Variants in ZZZ3 observed in about 807,000 individuals in gnomAD.
The protein encoded by ZZZ3 is zinc finger ZZ-type containing 3, also known as ZZ-type zinc finger-containing protein 3.
ZZZ3 carries 22 observed loss-of-function variants against 95.2 expected under a neutral mutation model. The ratio of observed to expected loss-of-function variants is 0.23; its 90% CI spans 0.17 to 0.33. The LOEUF (loss-of-function observed/expected upper bound fraction) is 0.33. Among genes scored for constraint, ZZZ3 ranks in the 10% least tolerant of loss-of-function variants. The pLI, the probability that ZZZ3 is intolerant of heterozygous loss-of-function variation, is 1.00. For missense variants in ZZZ3, 885 were observed against 1,066.5 expected (o/e 0.83, Z 2.37); for synonymous variants, 335 against 358.9 (o/e 0.93, Z 0.75).
intron 1 of ZZZ3, among the ~76,000 whole-genome samples, chr1:77,665,099 G>A (rs1305934579): frequency 1.3e-5 from 2 of 152,166 alleles, no homozygotes; most frequent in South Asian, 2.1e-4. Flanking sequence ...CAATCAAGTG[G>A]TGAAATAATC....
At chr1:77,656,880 A>G (rs1024776417) in intron 1 of ZZZ3, among the ~76,000 whole-genome samples, 11 of 152,244 alleles carry the variant, frequency 7.2e-5, no homozygotes, top group African/African-American at 2.7e-4. Flanking sequence ...AGAAATTCAG[A>G]GTGAAGTTCC....
intron 1 of ZZZ3, among the ~76,000 whole-genome samples, chr1:77,665,659 T>C (rs547296975): frequency 1.3e-5 from 2 of 152,352 alleles, no homozygotes; most frequent in South Asian, 4.1e-4. Flanking sequence ...AAATTTGTGA[T>C]TCACTGTCTC....
intron 1 of ZZZ3, among the ~76,000 whole-genome samples, chr1:77,646,543 C>T (rs550993926): frequency 6.6e-6 from 1 of 152,144 alleles, no homozygotes; most frequent in Admixed American, 6.6e-5. Context: ...TAAGTCTTAT[C>T]CTTTAAAAAT....
At chr1:77,591,457 C>A (rs1663687961) in intron 5 of ZZZ3, among the ~76,000 whole-genome samples, 1 of 152,084 alleles carries the variant, frequency 6.6e-6, no homozygotes, top group Non-Finnish European at 1.5e-5. Flanking sequence ...TCCTCCCACC[C>A]CAGCCTCCCA....
intron 5 of ZZZ3, among the ~76,000 whole-genome samples, chr1:77,602,429 ACT>A (rs1157760023): frequency 2.0e-5 from 3 of 152,202 alleles, no homozygotes; most frequent in East Asian, 1.9e-4. Context: ...AAAATTAAAG[ACT>A]CTATAATCTA....
chr1:77,677,524 A>G (rs1320374637), intron 1 of ZZZ3, among the ~76,000 whole-genome samples: 1 of 152,234 alleles, frequency 6.6e-6, no homozygotes, highest in Non-Finnish European at 1.5e-5. Flanking sequence ...ATAGGGTAAC[A>G]ACCACTCGAA....
chr1:77,611,232 C>CAAA (rs142588523), intron 5 of ZZZ3, among the ~76,000 whole-genome samples: 7 of 57,264 alleles, frequency 1.2e-4, no homozygotes, highest in South Asian at 6.7e-4. Flanking sequence ...AAATACCTAC[C>CAAA]AAAAAAAAAA....
At position 77,620,523 on chromosome 1, in the gene ZZZ3, A is replaced by T. The variant is rs1666756448; in HGVS notation, c.1505+11327T>A. Among the ~76,000 whole-genome samples the T allele has an allele frequency of 2.0e-5, 3 of 150,008 alleles. No individual in the cohort carries two copies. In the South Asian group the frequency reaches 6.4e-4, roughly 32 times the overall value. ...GAAGGAAGGAAGGAAGGAAGGAAGGAAGGAAGGAAGGAAACTGAGCTGAAT... is the reference window on the plus strand; with the variant it reads ...GAAGGAAGGAAGGAAGGAAGGAAGGTAGGAAGGAAGGAAACTGAGCTGAAT... On this transcript the variant is annotated intron_variant, in intron 5 of 14. Transcript: ENST00000370801.
At chr1:77,581,598 G>GA (rs1264759321) in intron 8 of ZZZ3, among the ~76,000 whole-genome samples, 178 bp downstream of exon 8, 8 of 152,232 alleles carry the variant, frequency 5.3e-5, no homozygotes, top group African/African-American at 1.9e-4. Flanking sequence ...AATGATGTCT[G>GA]AAGGTTCACG....
At chr1:77,664,728 A>G (rs971828554) in intron 1 of ZZZ3, among the ~76,000 whole-genome samples, 1 of 152,220 alleles carries the variant, frequency 6.6e-6, no homozygotes, top group Non-Finnish European at 1.5e-5. Context: ...CAAAACATTA[A>G]TGAAAATATT....
chr1:77,567,691 G>A (rs1003631175), intron 13 of ZZZ3, among the ~76,000 whole-genome samples: 33 of 152,080 alleles, frequency 2.2e-4, no homozygotes, highest in Non-Finnish European at 5.9e-5. Context: ...AGTCTGTCTT[G>A]TTTACTGCTG....
At chr1:77,566,762 T>C (rs959797211) in intron 13 of ZZZ3, among the ~76,000 whole-genome samples, 2 of 152,226 alleles carry the variant, frequency 1.3e-5, no homozygotes, top group Non-Finnish European at 2.9e-5. Context: ...TAATAACCAA[T>C]GCCCATCATG....
At chr1:77,612,294 A>G (rs1048282300) in intron 5 of ZZZ3, among the ~76,000 whole-genome samples, 2 of 151,982 alleles carry the variant, frequency 1.3e-5, no homozygotes, top group Non-Finnish European at 2.9e-5. Context: ...ATGATAATAA[A>G]TGCTGGTTGA....
At chr1:77,675,019 T>C (rs1261669604) in intron 1 of ZZZ3, among the ~76,000 whole-genome samples, 3 of 151,160 alleles carry the variant, frequency 2.0e-5, no homozygotes, top group Non-Finnish European at 4.4e-5. Flanking sequence ...TGAAGACAGT[T>C]CAGGTAAGAA....
chr1:77,623,365 T>G (rs1024491330), intron 5 of ZZZ3, among the ~76,000 whole-genome samples: 1 of 152,128 alleles, frequency 6.6e-6, no homozygotes, highest in Admixed American at 6.5e-5. Flanking sequence ...AATATAATGC[T>G]GCACACACAT....
chr1:77,583,056 G>A lies in ZZZ3; in HGVS notation c.1645-930C>T, dbSNP rs149562253. On this transcript the variant is annotated intron_variant, in intron 6 of 14. Coordinates refer to ENST00000370801, the MANE Select transcript of ZZZ3 (RefSeq NM_015534.6). Reference sequence around the variant, plus strand: ...GGAGGCGGAAGTTACAGTGAACTGAGATCAGACCCCACTGCACTCCAGCCT... The same window carrying A: ...GGAGGCGGAAGTTACAGTGAACTGAAATCAGACCCCACTGCACTCCAGCCT... 1.5e-3 allele frequency among the ~76,000 whole-genome samples: 228 copies of A among 151,928 alleles called. 1 individual carries two copies. The highest frequency in any genetic ancestry group is 5.1e-3 in the African/African-American group (213 of 41,452).
At chr1:77,589,143 T>G (rs149294818) in intron 5 of ZZZ3, among the ~76,000 whole-genome samples, 2 of 152,056 alleles carry the variant, frequency 1.3e-5, no homozygotes, top group African/African-American at 4.8e-5. Flanking sequence ...TCCCAAAGTG[T>G]TGGGATTATA....
At chr1:77,626,848 G>C (rs935559176) in intron 5 of ZZZ3, among the ~76,000 whole-genome samples, 1 of 152,046 alleles carries the variant, frequency 6.6e-6, no homozygotes, top group Non-Finnish European at 1.5e-5. Flanking sequence ...TCCTCTATTT[G>C]AAATCAAGCT....
intron 5 of ZZZ3, among the ~76,000 whole-genome samples, chr1:77,603,587 TC>T (rs1664951769): frequency 1.3e-5 from 2 of 152,138 alleles, no homozygotes; most frequent in East Asian, 3.8e-4. Flanking sequence ...TGCATGAATA[TC>T]CCCAAGATGC....
Sources: gnomAD v4.1 joint callset for allele counts (sites outside exome capture counted in the v4.1 genomes callset) on GRCh38, gnomAD v4.1.1 for gene constraint, MANE v1.5 for transcripts, NCBI Gene and HGNC (gene_info 2026-07-23, HGNC 2026-07-21) for gene names.